The following CCDC136 variants were observed in gnomAD, a reference collection of about 807,000 sequenced individuals.
The protein encoded by CCDC136 is coiled-coil domain containing 136, also known as coiled-coil domain-containing protein 136.
In CCDC136, 100 loss-of-function variants were observed where a neutral mutation model predicts 141.2. The observed-to-expected ratio is 0.71, with a 90% CI of 0.60 to 0.84. CCDC136 has a LOEUF of 0.84. Ranked by LOEUF, CCDC136 falls within the 40% of genes least tolerant of loss-of-function variation. CCDC136 has a pLI of 0.00. For missense variants in CCDC136, 1,206 were observed against 1,379.4 expected (o/e 0.87, Z 1.99); for synonymous variants, 474 against 531.9 (o/e 0.89, Z 1.50).
chr7:128,806,039 A>G lies in CCDC136; in HGVS notation c.1089+138A>G, dbSNP rs1434952587. Reference sequence around the variant, plus strand: ...TGCAACTGGGCACAGTCTGCTGGAAACCAACTGTAGAAGTCATATAGCACT... The same window carrying G: ...TGCAACTGGGCACAGTCTGCTGGAAGCCAACTGTAGAAGTCATATAGCACT... On this transcript the variant is annotated intron_variant, in intron 7 of 17. Coordinates refer to ENST00000297788, the MANE Select transcript of CCDC136 (RefSeq NM_022742.5). 9.9e-6 allele frequency: 11 copies of G among 1,116,312 alleles called. No individual in the cohort carries two copies. In the Admixed American group the frequency reaches 1.4e-4, roughly 14 times the overall value. The allele number at this position is 1,116,312 out of a possible 1,614,324, so 69.2% of individuals were successfully genotyped here.
At chr7:128,799,177 A>G (rs1803590727) in intron 3 of CCDC136, among the ~76,000 whole-genome samples, 1 of 146,442 alleles carries the variant, frequency 6.8e-6, no homozygotes, top group Admixed American at 6.8e-5. Flanking sequence ...TACATTAAAA[A>G]AAAAAAAAAA....
intron 10 of CCDC136, chr7:128,808,797 T>G (rs1187922223): frequency 1.0e-6 from 1 of 985,112 alleles, no homozygotes; most frequent in East Asian, 1.1e-4. Context: ...CCTCTTCCCC[T>G]AATGGGAAAA....
rs1046066019 is a variant in CCDC136 at position 128,805,575 on chromosome 7, C to A, written c.948+51C>A. 9.0e-6 allele frequency: 14 copies of A among 1,562,598 alleles called. No individual in the cohort carries two copies. The highest frequency in any genetic ancestry group is 1.7e-4 in the Middle Eastern group (1 of 5,800). On this transcript the variant is annotated intron_variant, in intron 6 of 17. Transcript: ENST00000297788. The surrounding 1 kb of genome is among the most constrained non-coding windows in gnomAD (Gnocchi z 4.6). Reference sequence around the variant, plus strand: ...AGGCACATTTCTTGTCTTTCTTTCACCTTCTCCCAGCCTGTGGTAGAAACA... The same window carrying A: ...AGGCACATTTCTTGTCTTTCTTTCAACTTCTCCCAGCCTGTGGTAGAAACA...
chr7:128,805,709 G>T lies in CCDC136; in HGVS notation c.949-52G>T. On this transcript the variant is annotated intron_variant, in intron 6 of 17. Transcript: ENST00000297788. The surrounding 1 kb of genome is among the most constrained non-coding windows in gnomAD (Gnocchi z 4.6). ...TGCTTTCCCCAAGCTTGTTCTTGGA[G>T]CATATGTGGTATCTGTAGTAAACAA... The T allele has an allele frequency of 6.2e-7, 1 of 1,603,192 alleles. No homozygotes were observed. Among genetic ancestry groups the T allele is most frequent in the Non-Finnish European group, 8.5e-7 (1 of 1,173,634 alleles).
chr7:128,809,659 G>C lies in CCDC136; in HGVS notation c.1800+15G>C, dbSNP rs990659232. ...TCTTACTCAAGGTAACTCTGCCACA[G>C]GCAGCTGCTAACTGCGGGGAAGCTG... On this transcript the variant is annotated intron_variant, in intron 11 of 17. Transcript: ENST00000297788. 6.7e-7 allele frequency: 1 copy of C among 1,490,912 alleles called. No homozygotes were observed. Among genetic ancestry groups the C allele is most frequent in the African/African-American group, 1.4e-5 (1 of 71,230 alleles). The allele number at this position is 1,490,912 out of a possible 1,614,324, so 92.4% of individuals were successfully genotyped here.
chr7:128,812,632 A>C lies in CCDC136; in HGVS notation c.2542-76A>C, dbSNP rs1805936803. 1.3e-5 allele frequency: 15 copies of C among 1,169,968 alleles called. No homozygotes were observed. The South Asian group carries it at 2.0e-4, about 16-fold the overall frequency. 72.5% of individuals were successfully genotyped at this position (1,169,968 alleles called of 1,614,324 possible). A position where few individuals can be genotyped will look rare whatever the true frequency, so the allele number is the denominator to read the frequency against. On this transcript the variant is annotated intron_variant, in intron 13 of 17. Transcript: ENST00000297788. ...TCCTGGTGGCCATTGTTTGGTATCC[A>C]GGGAAGGGCCCAGCAGAGTAGGGCG...
chr7:128,814,920 G>A lies in CCDC136; in HGVS notation c.3045+1G>A. 1 of 1,581,694 alleles carries A rather than the reference G, an allele frequency of 6.3e-7. No individual in the cohort carries two copies. The highest frequency in any genetic ancestry group is 8.6e-7 in the Non-Finnish European group (1 of 1,161,992). On this transcript the variant is annotated splice_donor_variant, in intron 15 of 17. Coordinates refer to ENST00000297788, the MANE Select transcript of CCDC136 (RefSeq NM_022742.5). LOFTEE classifies it high-confidence loss of function. ...TGAGAGCGACCTTGAGACCAGAAAG[G>A]TGAGTAGTAACCTTGGTAGCCAGAT...
intron 3 of CCDC136, among the ~76,000 whole-genome samples, chr7:128,799,172 TAAAAAAA>T (rs35342890): frequency 3.9e-5 from 2 of 51,328 alleles, no homozygotes; most frequent in Admixed American, 2.3e-4. Flanking sequence ...ATCTCTACAT[TAAAAAAA>T]AAAAAAAAAA....
chr7:128,801,186 G>A lies in CCDC136; in HGVS notation c.347G>A (p.Gly116Asp). Residue 116 changes from glycine to aspartate, a missense_variant and splice_region_variant, in exon 4 of 18, where the codon GGT becomes GAT. Gly to Asp is a moderately conservative substitution (Grantham distance 94). Transcript: ENST00000297788. ...TCATCTCAACCTTTGGACTTTGCAGGTGAGCTGCGTTCTCTACGGGAGGAG... is the reference window on the plus strand; with the variant it reads ...TCATCTCAACCTTTGGACTTTGCAGATGAGCTGCGTTCTCTACGGGAGGAG... Reference protein sequence around the residue: ...VFTKQIQQLQGELRSLREEIS... With the variant: ...VFTKQIQQLQDELRSLREEIS... The A allele has an allele frequency of 6.2e-7, 1 of 1,608,580 alleles. No individual in the cohort carries two copies.
Position 128,797,948 on chromosome 7 carries a change from C to T in CCDC136, c.346+3180C>T, listed in dbSNP as rs1248082022. ...TTTTTTTTTTTTTGAGACGGAGTCT[C>T]GCTGTGTCGCCCAGGCTGGAGTGCA... On this transcript the variant is annotated intron_variant, in intron 3 of 17. Transcript: ENST00000297788. 1.5e-3 allele frequency among the ~76,000 whole-genome samples: 231 copies of T among 150,054 alleles called. 1 individual carries two copies. The highest frequency in any genetic ancestry group is 5.2e-3 in the Admixed American group (79 of 15,128).
chr7:128,799,231 A>G (rs1281149482), intron 3 of CCDC136, among the ~76,000 whole-genome samples: 1 of 148,614 alleles, frequency 6.7e-6, no homozygotes. Flanking sequence ...GTAGTCTCAG[A>G]TATTAGGGAT....
intron 4 of CCDC136, among the ~76,000 whole-genome samples, chr7:128,802,719 T>C (rs1804234463): frequency 6.6e-6 from 1 of 152,220 alleles, no homozygotes; most frequent in African/African-American, 2.4e-5. Flanking sequence ...AGGTATATCA[T>C]GGTAATGTAA....
rs780861298 is a variant in CCDC136, at chr7:128,801,194, C to T, written c.355C>T (p.Arg119Cys). Residue 119 changes from arginine to cysteine, a missense_variant, in exon 4 of 18, where the codon CGT (arginine) becomes TGT (cysteine). Physicochemically the swap from Arg to Cys is radical, Grantham distance 180. Coordinates refer to ENST00000297788, the MANE Select transcript of CCDC136 (RefSeq NM_022742.5). ...ACCTTTGGACTTTGCAGGTGAGCTG[C>T]GTTCTCTACGGGAGGAGATTTCCCT... ...KQIQQLQGEL[R>C]SLREEISLLE... 11 of 1,610,528 alleles carry T rather than the reference C, an allele frequency of 6.8e-6. No individual in the cohort carries two copies. Among genetic ancestry groups the T allele is most frequent in the Middle Eastern group, 1.6e-4 (1 of 6,078 alleles).
chr7:128,814,593 G>A, intron 14 of CCDC136, 45 bp from the exon 15 acceptor site: 4 of 1,493,068 alleles, frequency 2.7e-6, no homozygotes, highest in Non-Finnish European at 3.6e-6. Context: ...CCAACTGGTT[G>A]CATAACCAGC....
chr7:128,810,836 C>A (rs957041729), intron 12 of CCDC136, among the ~76,000 whole-genome samples: 1 of 152,214 alleles, frequency 6.6e-6, no homozygotes, highest in Non-Finnish European at 1.5e-5. Context: ...TGGGGCCTTT[C>A]ATTTCCAAGA....
At chr7:128,797,935 T>G (rs1318072387) in intron 3 of CCDC136, among the ~76,000 whole-genome samples, 2 of 151,606 alleles carry the variant, frequency 1.3e-5, no homozygotes, top group Non-Finnish European at 2.9e-5. Context: ...TTTTTTTTTT[T>G]GAGACGGAGT....
At chr7:128,807,661 A>G (rs1805078443) in intron 10 of CCDC136, 116 bp downstream of exon 10, 2 of 598,892 alleles carry the variant, frequency 3.3e-6, no homozygotes, top group Non-Finnish European at 5.2e-6. Context: ...CTAGGCAGGA[A>G]GCAGAGGCAG....
In CCDC136 at chr7:128,809,597, C is replaced by T. The variant is rs1392777521; in HGVS notation, c.1753C>T (p.Leu585=). 7 of 1,563,954 alleles carry T rather than the reference C, an allele frequency of 4.5e-6. No individual in the cohort carries two copies. The African/African-American group carries it at 8.1e-5, about 18-fold the overall frequency. The change falls in exon 11 of 18, where the codon CTG becomes TTG. Residue 585 remains leucine (L), a synonymous_variant. Transcript: ENST00000297788. ...QEEQGQLQEE[L]HRLTLPLPKS... ...GGAGCAGGGCCAGCTGCAGGAAGAG[C>T]TGCACAGGCTCACACTGCCACTGCC...
Position 128,806,801 on chromosome 7 carries a change from G to A in CCDC136, c.1362G>A (p.Glu454=). Residue 454 remains glutamate, a synonymous_variant, in exon 9 of 18, where the codon GAG becomes GAA. Transcript: ENST00000297788. ...TGCAGGAGGAGCTGCAGTGCCATGA[G>A]GCAGAGCTGCAGCACCTCAGGGATA... is the stretch of plus-strand genomic sequence containing the variant. The part of the protein sequence containing the change: ...QQLQEELQCH[E]AELQHLRDTV... The A allele has an allele frequency of 6.2e-7, 1 of 1,612,888 alleles. No homozygotes were observed. The highest frequency in any genetic ancestry group is 8.5e-7 in the Non-Finnish European group (1 of 1,179,610).
Sources: gnomAD v4.1 joint callset for allele counts (sites outside exome capture counted in the v4.1 genomes callset) on GRCh38, gnomAD v4.1.1 for gene constraint, Gnocchi (gnomAD v3.1) non-coding constraint, MANE v1.5 for transcripts, NCBI Gene and HGNC (gene_info 2026-07-23, HGNC 2026-07-21) for gene names.